CPVL: variants seen among roughly 807,000 people sequenced by gnomAD.
CPVL encodes the protein probable serine carboxypeptidase CPVL.
A neutral mutation model predicts 63.7 loss-of-function variants in CPVL; 51 were observed. The observed-to-expected ratio is 0.80, with a 90% CI of 0.64 to 1.01. The LOEUF (loss-of-function observed/expected upper bound fraction) is 1.01, where lower values mean the gene tolerates loss of function less well. Among genes scored for constraint, CPVL ranks in the 50% least tolerant of loss-of-function variants. The pLI is 0.00. For synonymous variants in CPVL, 195 were observed against 206.0 expected (o/e 0.95, Z 0.46); for missense variants, 530 against 573.1 (o/e 0.92, Z 0.77).
chr7:29,110,394 A>G (rs1463000256), intron 3 of CPVL, among the ~76,000 whole-genome samples: 1 of 152,178 alleles, frequency 6.6e-6, no homozygotes, highest in Non-Finnish European at 1.5e-5. Context: ...TGGCTGCTGT[A>G]GGCATTTCTT....
intron 1 of CPVL, among the ~76,000 whole-genome samples, chr7:29,137,417 T>C (rs982562046): frequency 2.6e-5 from 4 of 152,140 alleles, no homozygotes; most frequent in Admixed American, 2.6e-4. Flanking sequence ...GCAGGGAAGC[T>C]GGCCACCTCA....
intron 1 of CPVL, among the ~76,000 whole-genome samples, chr7:29,145,408 C>A (rs1792416659): frequency 6.6e-6 from 1 of 151,938 alleles, no homozygotes; most frequent in South Asian, 2.1e-4. Flanking sequence ...TAGTGGATAC[C>A]GGAACCAGGA....
At chr7:29,078,150 T>C (rs1784395257) in intron 7 of CPVL, among the ~76,000 whole-genome samples, 1 of 152,192 alleles carries the variant, frequency 6.6e-6, no homozygotes, top group Non-Finnish European at 1.5e-5. Context: ...TATCAAAGTA[T>C]CTATTTCTTT....
chr7:29,039,821 A>G (rs1788897389), intron 11 of CPVL, among the ~76,000 whole-genome samples: 4 of 152,226 alleles, frequency 2.6e-5, no homozygotes, highest in African/African-American at 9.6e-5. Context: ...TTTTGTGAGA[A>G]GGATGGATTT....
At chr7:29,054,418 T>A (rs1194473245) in intron 11 of CPVL, among the ~76,000 whole-genome samples, 6 of 152,240 alleles carry the variant, frequency 3.9e-5, no homozygotes, top group African/African-American at 1.4e-4. Context: ...TTCTAGATTG[T>A]TATCTCATTT....
At chr7:29,039,438 C>A (rs999980464) in intron 11 of CPVL, among the ~76,000 whole-genome samples, 3 of 152,112 alleles carry the variant, frequency 2.0e-5, no homozygotes, top group African/African-American at 7.2e-5. Flanking sequence ...ACTCTATAAG[C>A]ACAGATTTTC....
chr7:29,184,139 G>T (rs1395798733), intron 4 of CPVL, among the ~76,000 whole-genome samples: 1 of 146,012 alleles, frequency 6.8e-6, no homozygotes. Flanking sequence ...CTGTACAGAA[G>T]ATACAGATAG....
intron 2 of CPVL, among the ~76,000 whole-genome samples, chr7:29,117,920 C>T (rs926804345): frequency 2.6e-5 from 4 of 152,192 alleles, no homozygotes; most frequent in African/African-American, 9.7e-5. Flanking sequence ...TTTACAACTA[C>T]GACAGCTCTA....
intron 3 of CPVL, among the ~76,000 whole-genome samples, chr7:29,102,093 G>A (rs1033271542): frequency 6.6e-6 from 1 of 152,174 alleles, no homozygotes; most frequent in African/African-American, 2.4e-5. Flanking sequence ...TTATAGTTAC[G>A]AGCATGGATT....
At chr7:29,038,628 C>A (rs1279005644) in intron 11 of CPVL, among the ~76,000 whole-genome samples, 1 of 152,248 alleles carries the variant, frequency 6.6e-6, no homozygotes, top group Non-Finnish European at 1.5e-5. Flanking sequence ...ACCCCCACCC[C>A]TGCCCTGGTA....
chr7:29,146,846 T>A (rs1300114405), upstream of CPVL: 3 of 1,551,118 alleles, frequency 1.9e-6, no homozygotes, highest in East Asian at 7.3e-5. Flanking sequence ...TTCTGCACTC[T>A]AGGACTTACT....
intron 7 of CPVL, among the ~76,000 whole-genome samples, chr7:29,079,898 GAT>G (rs1784538149): frequency 2.0e-5 from 3 of 152,178 alleles, no homozygotes; most frequent in Non-Finnish European, 4.4e-5. Flanking sequence ...TAATTTATCA[GAT>G]CCTTTCTATG....
At chr7:29,162,052 G>A (rs1795240370) in intron 5 of CPVL, among the ~76,000 whole-genome samples, 1 of 152,192 alleles carries the variant, frequency 6.6e-6, no homozygotes, top group Non-Finnish European at 1.5e-5. Context: ...CAGGGAAACT[G>A]GATCTCTCAG....
intron 1 of CPVL, among the ~76,000 whole-genome samples, chr7:29,135,384 T>G (rs1334737662): frequency 1.3e-5 from 2 of 151,328 alleles, no homozygotes; most frequent in African/African-American, 4.9e-5. Context: ...CAGGCTGGAG[T>G]GCAGTGGCGC....
At chr7:29,013,182 T>G (rs1786023816) in intron 12 of CPVL, 1 of 152,132 alleles carries the variant, frequency 6.6e-6, no homozygotes, top group African/African-American at 2.4e-5. Flanking sequence ...CACTACATGA[T>G]TAGAGGTGGT....
chr7:29,106,153 G>A (rs1432916391), intron 3 of CPVL, among the ~76,000 whole-genome samples: 1 of 152,166 alleles, frequency 6.6e-6, no homozygotes. Context: ...TGGACACAGA[G>A]AGACTCAGGA....
intron 12 of CPVL, among the ~76,000 whole-genome samples, chr7:29,002,623 T>A (rs528248480): frequency 6.4e-4 from 97 of 152,226 alleles, no homozygotes; most frequent in African/African-American, 2.2e-3. Flanking sequence ...AAAGTAACTG[T>A]GAACAAAATA....
chr7:29,125,259 C>T (rs1003233270), intron 1 of CPVL, among the ~76,000 whole-genome samples: 3 of 152,160 alleles, frequency 2.0e-5, no homozygotes, highest in Non-Finnish European at 2.9e-5. Flanking sequence ...TCATGTGGTC[C>T]AGTTCCTTCA....
chr7:29,092,503 T>C, intron 6 of CPVL, 120 bp downstream of exon 6: 1 of 657,224 alleles, frequency 1.5e-6, no homozygotes, highest in Non-Finnish European at 2.7e-6. Context: ...CCTTAAATTA[T>C]CTTCAGGAAT....
Sources: allele counts gnomAD v4.1 joint callset (sites outside exome capture counted in the v4.1 genomes callset), GRCh38; gene constraint gnomAD v4.1.1; transcripts MANE v1.5; gene names NCBI Gene and HGNC (gene_info 2026-07-23, HGNC 2026-07-21).